The following SPECC1 variants were observed in gnomAD, a reference collection of about 807,000 sequenced individuals.
SPECC1 encodes cytospin-B.
Under a neutral mutation model 104.1 loss-of-function variants are expected in SPECC1, and 62 were observed. The ratio of observed to expected loss-of-function variants is 0.60; its 90% CI spans 0.49 to 0.74. SPECC1 has a LOEUF of 0.74. Among genes scored for constraint, SPECC1 ranks in the 30% least tolerant of loss-of-function variants. SPECC1 has a pLI of 0.00. For missense variants in SPECC1, 1,306 were observed against 1,310.5 expected, an observed-to-expected ratio of 1.00 and a Z score of 0.05; for synonymous variants, 513 against 501.6, an observed-to-expected ratio of 1.02 and a Z score of -0.30.
At chr17:20,136,268 A>C (rs2029951023) in intron 3 of SPECC1, among the ~76,000 whole-genome samples, 1 of 152,094 alleles carries the variant, frequency 6.6e-6, no homozygotes, top group Admixed American at 6.5e-5. Context: ...TACTGAAAAT[A>C]CAAAAATTAG....
chr17:20,021,696 A>T (rs1189957765), intron 1 of SPECC1, among the ~76,000 whole-genome samples: 107 of 111,716 alleles, frequency 9.6e-4, no homozygotes, highest in African/African-American at 4.3e-3. Context: ...ATATATATAT[A>T]TATATATTTT....
chr17:20,182,645 C>G (rs1045504469), intron 3 of SPECC1, among the ~76,000 whole-genome samples: 1 of 152,074 alleles, frequency 6.6e-6, no homozygotes, highest in African/African-American at 2.4e-5. Flanking sequence ...AAAAACTGAC[C>G]TAATGTCATA....
chr17:20,123,081 T>C (rs1643496263), intron 3 of SPECC1, among the ~76,000 whole-genome samples: 1 of 152,082 alleles, frequency 6.6e-6, no homozygotes, highest in African/African-American at 2.4e-5. Flanking sequence ...GTGGGATGAG[T>C]GAGATGAAAT....
chr17:20,150,599 A>G (rs151293803), intron 3 of SPECC1, among the ~76,000 whole-genome samples: 57 of 150,822 alleles, frequency 3.8e-4, no homozygotes, highest in Admixed American at 6.0e-4. Flanking sequence ...AGATCGCACC[A>G]CTGCACTCCA....
intron 2 of SPECC1, among the ~76,000 whole-genome samples, chr17:20,106,107 G>A (rs1315467827): frequency 2.6e-5 from 4 of 152,150 alleles, no homozygotes; most frequent in South Asian, 2.1e-4. Flanking sequence ...GCGTTATTGC[G>A]TTAAGAATTC....
intron 4 of SPECC1, among the ~76,000 whole-genome samples, chr17:20,206,468 A>G (rs2036785830): frequency 6.6e-6 from 1 of 152,232 alleles, no homozygotes; most frequent in Non-Finnish European, 1.5e-5. Flanking sequence ...ATCATCCTGT[A>G]CATGTTATTA....
At chr17:20,054,409 C>G (rs927299821) in intron 1 of SPECC1, among the ~76,000 whole-genome samples, 1 of 152,108 alleles carries the variant, frequency 6.6e-6, no homozygotes, top group African/African-American at 2.4e-5. Flanking sequence ...TTGGTGTGTG[C>G]AGTTCTCTCT....
intron 5 of SPECC1, among the ~76,000 whole-genome samples, chr17:20,229,782 G>A (rs993417524): frequency 6.6e-6 from 1 of 152,224 alleles, no homozygotes; most frequent in East Asian, 1.9e-4. Context: ...ATGCTAAAGC[G>A]ATGTGCTAAA....
At chr17:20,065,329 C>T (rs1178140024) in intron 1 of SPECC1, among the ~76,000 whole-genome samples, 2 of 152,252 alleles carry the variant, frequency 1.3e-5, no homozygotes, top group African/African-American at 2.4e-5. Context: ...TCTCCAGTCA[C>T]CAGTCTCAAG....
At chr17:20,172,575 T>C (rs552947771) in intron 3 of SPECC1, among the ~76,000 whole-genome samples, 7 of 152,168 alleles carry the variant, frequency 4.6e-5, no homozygotes, top group Admixed American at 3.3e-4. Flanking sequence ...CAGGCTTCTT[T>C]CTATGTGAGG....
rs550302627 is a variant in SPECC1, at chr17:20,034,328, AC to A, written c.-22+24906del. ...TGGCCAGGCTGGTCTCGAACTCCTG[AC>A]CGTGTGATCCACCTGCCCCGGCCTC... On this transcript the variant is annotated intron_variant, in intron 1 of 14. Coordinates refer to ENST00000395527, the MANE Select transcript of SPECC1 (RefSeq NM_001243439.2). 3.4e-4 allele frequency among the ~76,000 whole-genome samples: 52 copies of A among 152,148 alleles called. No homozygotes were observed. The East Asian group carries it at 9.7e-3, about 28-fold the overall frequency.
At chr17:20,164,565 T>C (rs1267816066) in intron 3 of SPECC1, among the ~76,000 whole-genome samples, 1 of 152,178 alleles carries the variant, frequency 6.6e-6, no homozygotes, top group Non-Finnish European at 1.5e-5. Flanking sequence ...AGACTTCAGA[T>C]ATCAGCTTGA....
intron 12 of SPECC1, among the ~76,000 whole-genome samples, chr17:20,280,509 G>A (rs910402815): frequency 6.6e-6 from 1 of 152,170 alleles, no homozygotes; most frequent in African/African-American, 2.4e-5. Context: ...TGGTAAGGGT[G>A]CAGAACATGC....
At chr17:20,276,549 ATG>A (rs1423071447) in intron 12 of SPECC1, among the ~76,000 whole-genome samples, 1 of 152,156 alleles carries the variant, frequency 6.6e-6, no homozygotes, top group Non-Finnish European at 1.5e-5. Flanking sequence ...TTGTGGCTGT[ATG>A]TGTTTTATCT....
chr17:20,259,702 G>A (rs2039957279), intron 11 of SPECC1, among the ~76,000 whole-genome samples: 1 of 151,874 alleles, frequency 6.6e-6, no homozygotes, highest in African/African-American at 2.4e-5. Flanking sequence ...TTTAAAGATG[G>A]GGTCTCGCTA....
At position 20,318,016 on chromosome 17, in the gene SPECC1, T is replaced by A. The variant is rs984269760; in HGVS notation, c.*3951T>A. Reference sequence around the variant, plus strand: ...CAGGAAAACAAGGTCAGCATCTTATTTTTTCTATACTCAGCAGAGTGTGCC... The same window carrying A: ...CAGGAAAACAAGGTCAGCATCTTATATTTTCTATACTCAGCAGAGTGTGCC... On this transcript the variant is annotated 3_prime_UTR_variant, in exon 15 of 15. Coordinates refer to ENST00000395527, the MANE Select transcript of SPECC1 (RefSeq NM_001243439.2). The A allele has an allele frequency of 4.4e-5, 10 of 228,940 alleles. No individual in the cohort carries two copies. Among genetic ancestry groups the A allele is most frequent in the East Asian group, 1.3e-4 (2 of 15,882 alleles). 14.2% of individuals were successfully genotyped at this position (228,940 alleles called of 1,614,324 possible).
At chr17:20,238,016 A>G (rs1383333226) in intron 7 of SPECC1, 1 of 1,018,516 alleles carries the variant, frequency 9.8e-7, no homozygotes, top group Non-Finnish European at 1.2e-6. Context: ...TGCTGGGATT[A>G]CAGGCTTGAG....
intron 9 of SPECC1, among the ~76,000 whole-genome samples, chr17:20,248,125 A>G (rs575042435): frequency 6.6e-6 from 1 of 152,318 alleles, no homozygotes; most frequent in East Asian, 1.9e-4. Flanking sequence ...ACTGACCAGA[A>G]AACGGTGGAA....
intron 12 of SPECC1, among the ~76,000 whole-genome samples, chr17:20,279,488 A>C (rs1392262430): frequency 6.6e-6 from 1 of 151,562 alleles, no homozygotes; most frequent in Non-Finnish European, 1.5e-5. Flanking sequence ...ATGCCCGGCT[A>C]ATTTTGTATT....
Sources: allele counts gnomAD v4.1 joint callset (sites outside exome capture counted in the v4.1 genomes callset), GRCh38; gene constraint gnomAD v4.1.1; transcripts MANE v1.5; gene names NCBI Gene and HGNC (gene_info 2026-07-23, HGNC 2026-07-21).